NINL: variants seen among roughly 807,000 people sequenced by gnomAD.
NINL encodes ninein like.
In NINL, 153 loss-of-function variants were observed where a neutral mutation model predicts 160.3. The observed-to-expected ratio is 0.95, with a 90% CI of 0.84 to 1.09. The LOEUF is 1.09. Among genes scored for constraint, NINL ranks in the 50% least tolerant of loss-of-function variants. The pLI, the probability that NINL is intolerant of heterozygous loss-of-function variation, is 0.00. For missense variants in NINL, 1,829 were observed against 1,764.0 expected (o/e 1.04, Z -0.66); for synonymous variants, 800 against 734.8 (o/e 1.09, Z -1.43).
chr20:25,481,323 G>C (rs534176415), intron 14 of NINL, among the ~76,000 whole-genome samples: 1 of 152,318 alleles, frequency 6.6e-6, no homozygotes, highest in South Asian at 2.1e-4. Context: ...TGAGTGGGCA[G>C]AGGCCACCCC....
At chr20:25,528,914 C>T (rs2064402821) in intron 1 of NINL, among the ~76,000 whole-genome samples, 1 of 152,192 alleles carries the variant, frequency 6.6e-6, no homozygotes, top group South Asian at 2.1e-4. Context: ...CAGCAAGGCA[C>T]AGCACAGTAA....
At chr20:25,585,117 C>A (rs962302128) in intron 1 of NINL, among the ~76,000 whole-genome samples, 1 of 152,228 alleles carries the variant, frequency 6.6e-6, no homozygotes, top group East Asian at 1.9e-4. Context: ...CGGCCAAGGC[C>A]GCCCGCCTCA....
rs1426234845 is a variant in NINL, at chr20:25,458,515, G to C, written c.3711C>G (p.His1237Gln). Residue 1237 changes from histidine (H) to glutamine (Q), a missense_variant, in exon 22 of 24, where the codon CAC becomes CAG. His to Gln is a conservative substitution (Grantham distance 24, BLOSUM62 0). Transcript: ENST00000278886. ...GGGCCTGGGCCTGCCTCAGCCTCAG[G>C]TGAGCTCCCTGCACCTGCATGGGGA... is the stretch of plus-strand genomic sequence containing the variant. Reference protein sequence around the residue: ...EESQDQVQGAHLRLRQAQAQH... With the variant: ...EESQDQVQGAQLRLRQAQAQH... 1 of 1,598,040 alleles carries C rather than the reference G, an allele frequency of 6.3e-7. No individual in the cohort carries two copies. Among genetic ancestry groups the C allele is most frequent in the African/African-American group, 1.3e-5 (1 of 74,962 alleles).
intron 1 of NINL, among the ~76,000 whole-genome samples, chr20:25,560,049 C>T (rs1285285033): frequency 2.0e-5 from 3 of 152,166 alleles, no homozygotes; most frequent in African/African-American, 4.8e-5. Flanking sequence ...CTTCCTCAAG[C>T]GATCTTCCAC....
chr20:25,559,431 G>T (rs1426052893), intron 1 of NINL, among the ~76,000 whole-genome samples: 1 of 152,120 alleles, frequency 6.6e-6, no homozygotes, highest in Non-Finnish European at 1.5e-5. Context: ...ATTAGAGACG[G>T]GGTTTCACCA....
rs1486024852 is a variant in NINL at position 25,512,933 on chromosome 20, T to C, written c.351A>G (p.Leu117=). 2 of 1,614,070 alleles carry C rather than the reference T, an allele frequency of 1.2e-6. No individual in the cohort carries two copies. Among genetic ancestry groups the C allele is most frequent in the Non-Finnish European group, 1.7e-6 (2 of 1,180,042 alleles). The change falls in exon 4 of 24, where the codon CTA becomes CTG. Residue 117 remains leucine (L), a synonymous_variant. Coordinates refer to ENST00000278886, the MANE Select transcript of NINL (RefSeq NM_025176.6). ...KWYGRRSRPE[L]CDAATEARRV... is the part of the protein sequence containing the mutation. ...GTCTGGCTTCTGTGGCAGCGTCACA[T>C]AGCTCAGGCCGGCTCCGACGGCCAT... is the stretch of plus-strand genomic sequence containing the variant.
intron 11 of NINL, among the ~76,000 whole-genome samples, chr20:25,490,766 G>A (rs371736646): frequency 6.6e-6 from 1 of 152,088 alleles, no homozygotes; most frequent in South Asian, 2.1e-4. Context: ...AAGGCTGTTG[G>A]GGGGCTCAGG....
At chr20:25,498,094 G>A in intron 9 of NINL, 116 bp downstream of exon 9, 1 of 1,256,910 alleles carries the variant, frequency 8.0e-7, no homozygotes, top group Non-Finnish European at 1.1e-6. Context: ...CCTGCCCCAG[G>A]ACTGGCCATG....
chr20:25,460,751 G>A (rs2062763097), intron 21 of NINL, among the ~76,000 whole-genome samples: 1 of 152,150 alleles, frequency 6.6e-6, no homozygotes, highest in Non-Finnish European at 1.5e-5. Context: ...CCTCTGCACA[G>A]GGCGCCAGGG....
At chr20:25,474,118 C>G (rs1398647432) in intron 17 of NINL, among the ~76,000 whole-genome samples, 1 of 152,148 alleles carries the variant, frequency 6.6e-6, no homozygotes, top group African/African-American at 2.4e-5. Flanking sequence ...CACAAGTGTC[C>G]TTAGAGGTAG....
At position 25,526,470 on chromosome 20, in the gene NINL, G is replaced by A. The variant is rs747762352; in HGVS notation, c.118C>T (p.His40Tyr). The change falls in exon 2 of 24, where the codon CAC (histidine) becomes TAC (tyrosine). Residue 40 changes from histidine to tyrosine, a missense_variant. His to Tyr is a moderately conservative substitution (Grantham distance 83). Coordinates refer to ENST00000278886, the MANE Select transcript of NINL (RefSeq NM_025176.6). Reference protein sequence around the residue: ...QELTQLCLKLHLEQQLPVLLQ... With the variant: ...QELTQLCLKLYLEQQLPVLLQ... ...AGGACGGGCAGCTGCTGCTCCAGGT[G>A]AAGCTTAAGGCAGAGCTGGGTCAGC... is the stretch of plus-strand genomic sequence containing the variant. 3.7e-6 allele frequency: 6 copies of A among 1,614,080 alleles called. No homozygotes were observed. The highest frequency in any genetic ancestry group is 2.7e-5 in the African/African-American group (2 of 74,930).
intron 1 of NINL, among the ~76,000 whole-genome samples, chr20:25,579,766 C>T (rs1350083611): frequency 1.3e-5 from 2 of 152,198 alleles, no homozygotes; most frequent in Admixed American, 1.3e-4. Context: ...CCACCTGCGT[C>T]CCTCAGGGCC....
At chr20:25,470,228 C>T (rs2063063089) in intron 17 of NINL, 133 bp from the exon 18 acceptor site, 1 of 689,466 alleles carries the variant, frequency 1.5e-6, no homozygotes, top group East Asian at 2.5e-5. Flanking sequence ...CGCCAGACAC[C>T]ATTCCTTTCC....
chr20:25,519,409 T>A (rs1411944044), intron 2 of NINL, among the ~76,000 whole-genome samples: 1 of 152,254 alleles, frequency 6.6e-6, no homozygotes, highest in Non-Finnish European at 1.5e-5. Context: ...ATTCTGACTT[T>A]CCATCTGGAA....
Position 25,491,248 on chromosome 20 carries a change from G to A in NINL, c.1485+103C>T, listed in dbSNP as rs927379790. The A allele has an allele frequency of 1.4e-4, 195 of 1,360,928 alleles. 4 individuals are homozygous for A. The highest frequency in any genetic ancestry group is 1.3e-3 in the South Asian group (98 of 72,904). 84.3% of individuals were successfully genotyped at this position (1,360,928 alleles called of 1,614,324 possible). ...CCCTGCCCTGAAACATAAGCTTGAG[G>A]GCACTGGCAGGTGTGGATCTGGATC... On this transcript the variant is annotated intron_variant, in intron 11 of 23. Transcript: ENST00000278886.
intron 1 of NINL, among the ~76,000 whole-genome samples, chr20:25,537,003 G>T (rs576315141): frequency 2.2e-4 from 33 of 152,358 alleles, no homozygotes; most frequent in Non-Finnish European, 2.4e-4. Flanking sequence ...AGACTGAAAT[G>T]TGGTTGCCTC....
chr20:25,582,961 C>T (rs1399246186), intron 1 of NINL, among the ~76,000 whole-genome samples: 1 of 152,206 alleles, frequency 6.6e-6, no homozygotes, highest in East Asian at 1.9e-4. Flanking sequence ...TCCTTCCTTA[C>T]ACCTTATGCA....
At chr20:25,478,017 C>T (rs1316399404) in intron 16 of NINL, among the ~76,000 whole-genome samples, 2 of 149,684 alleles carry the variant, frequency 1.3e-5, no homozygotes, top group Non-Finnish European at 3.0e-5. Context: ...GGCGAGATCT[C>T]GGCTCACTGC....
Position 25,582,522 on chromosome 20 carries a change from T to C in NINL, c.-12+2933A>G, listed in dbSNP as rs529038105. 7.9e-5 allele frequency among the ~76,000 whole-genome samples: 12 copies of C among 152,178 alleles called. 1 individual carries two copies. In the South Asian group the frequency reaches 2.5e-3, roughly 32 times the overall value. On this transcript the variant is annotated intron_variant, in intron 1 of 23. Coordinates refer to ENST00000278886, the MANE Select transcript of NINL (RefSeq NM_025176.6). Reference sequence around the variant, plus strand: ...CAAGTTCCTTGGAGAAGGCTTGCTATTTTCTCATTCTACAAAAAAGAGTTA... The same window carrying C: ...CAAGTTCCTTGGAGAAGGCTTGCTACTTTCTCATTCTACAAAAAAGAGTTA...
Sources: gnomAD v4.1 joint callset for allele counts (sites outside exome capture counted in the v4.1 genomes callset) on GRCh38, gnomAD v4.1.1 for gene constraint, MANE v1.5 for transcripts, NCBI Gene and HGNC (gene_info 2026-07-23, HGNC 2026-07-21) for gene names.